The following TLN2 variants were observed in gnomAD, a reference collection of about 807,000 sequenced individuals.
TLN2 encodes the protein talin 2.
TLN2 carries 118 observed loss-of-function variants against 294.7 expected under a neutral mutation model. The ratio of observed to expected loss-of-function variants is 0.40; its 90% confidence interval spans 0.34 to 0.47. TLN2 has a LOEUF of 0.47. Among genes scored for constraint, TLN2 ranks in the 20% least tolerant of loss-of-function variants. TLN2 has a pLI of 0.84. For synonymous variants in TLN2, 1,431 were observed against 1,304.5 expected (o/e 1.10, Z -2.09); for missense variants, 3,083 against 3,282.2 (o/e 0.94, Z 1.48).
intron 11 of TLN2, among the ~76,000 whole-genome samples, chr15:62,684,884 C>T (rs1372204347): frequency 6.7e-6 from 1 of 148,758 alleles, no homozygotes; most frequent in East Asian, 2.0e-4. Flanking sequence ...CTAGTATGTT[C>T]CAGCTCTGTT....
chr15:62,702,624 T>C, intron 18 of TLN2, 142 bp from the exon 19 acceptor site: 1 of 753,936 alleles, frequency 1.3e-6, no homozygotes, highest in East Asian at 2.7e-5. Flanking sequence ...CGGGATGTCT[T>C]CTATCTGGCA....
chr15:62,723,486 G>A (rs923465028), intron 26 of TLN2, among the ~76,000 whole-genome samples: 19 of 151,174 alleles, frequency 1.3e-4, no homozygotes, highest in African/African-American at 4.6e-4. Flanking sequence ...GACCCCTAAA[G>A]TGGGACTCAA....
Position 62,757,965 on chromosome 15 carries a change from T to TG in TLN2, c.4638+2273dup, listed in dbSNP as rs2062411806. Among the ~76,000 whole-genome samples, 5 of 152,236 alleles carry TG rather than the reference T, an allele frequency of 3.3e-5. No individual in the cohort carries two copies. The South Asian group carries it at 1.0e-3, about 32-fold the overall frequency. On this transcript the variant is annotated intron_variant, in intron 37 of 58. Coordinates refer to ENST00000636159, the MANE Select transcript of TLN2 (RefSeq NM_015059.3). ...GGTACTATATACTGAATAGATTTCCTGTTTGAAGGAATGGTTATGTGTTCT... is the reference window on the plus strand; with the variant it reads ...GGTACTATATACTGAATAGATTTCCTGGTTTGAAGGAATGGTTATGTGTTCT...
At chr15:62,655,770 TG>T (rs914225421) in intron 7 of TLN2, among the ~76,000 whole-genome samples, 173 bp from the exon 8 acceptor site, 13 of 152,174 alleles carry the variant, frequency 8.5e-5, no homozygotes, top group Non-Finnish European at 1.8e-4. Flanking sequence ...TTGGTAGATG[TG>T]AAATTATTTT....
intron 2 of TLN2, among the ~76,000 whole-genome samples, chr15:62,611,702 G>A (rs945492077): frequency 2.0e-5 from 3 of 152,102 alleles, no homozygotes; most frequent in East Asian, 1.9e-4. Context: ...TCAAGCCTTC[G>A]GAGAGATTTT....
chr15:62,756,900 T>C (rs1240106393), intron 37 of TLN2, among the ~76,000 whole-genome samples: 1 of 151,794 alleles, frequency 6.6e-6, no homozygotes, highest in Non-Finnish European at 1.5e-5. Context: ...AGAGTCTTTT[T>C]TTTTAGAAAT....
At chr15:62,450,878 C>CTA (rs1358921630) in intron 1 of TLN2, among the ~76,000 whole-genome samples, 6 of 151,598 alleles carry the variant, frequency 4.0e-5, no homozygotes, top group African/African-American at 1.2e-4. Context: ...GTCCATATAT[C>CTA]TATATATATA....
rs11368681 is a variant in TLN2 at position 62,730,029 on chromosome 15, C to CTTTTTTTT, written c.3358+2851_3358+2858dup. On this transcript the variant is annotated intron_variant, in intron 28 of 58. Coordinates refer to ENST00000636159, the MANE Select transcript of TLN2 (RefSeq NM_015059.3). ...TTTCTTTCAATTATTTTATTGTTGT[C>CTTTTTTTT]TTTTTTTTTTTTTTTTTTGAAATGG... is the stretch of plus-strand genomic sequence containing the variant. Among the ~76,000 whole-genome samples the CTTTTTTTT allele has an allele frequency of 2.5e-5, 3 of 121,174 alleles. 1 individual carries two copies. The highest frequency in any genetic ancestry group is 9.6e-5 in the African/African-American group (3 of 31,308). 79.5% of individuals were successfully genotyped at this position (121,174 alleles called of 152,430 possible).
At chr15:62,606,524 GGAT>G (rs2047462744) in intron 2 of TLN2, among the ~76,000 whole-genome samples, 1 of 152,164 alleles carries the variant, frequency 6.6e-6, no homozygotes, top group Non-Finnish European at 1.5e-5. Flanking sequence ...CCCCCATGGA[GGAT>G]GATGAGTCAG....
chr15:62,824,883 G>T (rs1250253415), intron 54 of TLN2, among the ~76,000 whole-genome samples: 1 of 152,186 alleles, frequency 6.6e-6, no homozygotes, highest in Non-Finnish European at 1.5e-5. Context: ...CTGCTTTCTG[G>T]AAAGAGAACT....
chr15:62,713,281 A>AG (rs982927898), intron 22 of TLN2, among the ~76,000 whole-genome samples: 3 of 150,872 alleles, frequency 2.0e-5, no homozygotes, highest in African/African-American at 7.3e-5. Context: ...CAAAAAAAAA[A>AG]AAAAAAAACA....
intron 1 of TLN2, among the ~76,000 whole-genome samples, chr15:62,518,007 C>T (rs1356306501): frequency 6.6e-6 from 1 of 151,666 alleles, no homozygotes; most frequent in African/African-American, 2.4e-5. Context: ...TCAGACTGAG[C>T]ACATAGTAAA....
intron 27 of TLN2, 82 bp from the exon 28 acceptor site, chr15:62,727,005 C>A: frequency 1.4e-6 from 2 of 1,413,144 alleles, no homozygotes; most frequent in Non-Finnish European, 1.9e-6. Flanking sequence ...GTTTGATCTG[C>A]ATGATTTTTC....
rs141169513 is a variant in TLN2 at position 62,815,745 on chromosome 15, G to T, written c.6772-3771G>T. On this transcript the variant is annotated intron_variant, in intron 52 of 58. Coordinates refer to ENST00000636159, the MANE Select transcript of TLN2 (RefSeq NM_015059.3). ...GGAAAATGCTTAAATAAATACAGAAGCTAATAGCAGCATCCATGTACCCAT... is the reference window on the plus strand; with the variant it reads ...GGAAAATGCTTAAATAAATACAGAATCTAATAGCAGCATCCATGTACCCAT... 7.7e-4 allele frequency among the ~76,000 whole-genome samples: 118 copies of T among 152,288 alleles called. 1 individual carries two copies. Among genetic ancestry groups the T allele is most frequent in the African/African-American group, 2.8e-3 (116 of 41,562 alleles).
chr15:62,689,869 T>G (rs892610394), intron 12 of TLN2, among the ~76,000 whole-genome samples: 14 of 81,128 alleles, frequency 1.7e-4, no homozygotes, highest in African/African-American at 5.3e-4. Context: ...TTTTTTTTTT[T>G]TTTTTTTTAT....
At chr15:62,404,221 T>C (rs2033233632) in intron 1 of TLN2, among the ~76,000 whole-genome samples, 1 of 152,156 alleles carries the variant, frequency 6.6e-6, no homozygotes, top group Non-Finnish European at 1.5e-5. Context: ...TAAATACTTG[T>C]TGAGTGGTAG....
At chr15:62,567,307 C>G (rs575425277) in intron 1 of TLN2, among the ~76,000 whole-genome samples, 2 of 152,198 alleles carry the variant, frequency 1.3e-5, no homozygotes, top group Non-Finnish European at 2.9e-5. Context: ...AGTGTTAAAT[C>G]TGCAACATTG....
intron 52 of TLN2, among the ~76,000 whole-genome samples, chr15:62,818,024 G>C (rs531917364): frequency 6.6e-6 from 1 of 151,986 alleles, no homozygotes; most frequent in East Asian, 1.9e-4. Context: ...TGGCCGGGCT[G>C]GTCTCTAACT....
chr15:62,713,240 C>T (rs1595755206), intron 22 of TLN2, among the ~76,000 whole-genome samples: 1 of 128,240 alleles, frequency 7.8e-6, no homozygotes, highest in Non-Finnish European at 1.6e-5. Flanking sequence ...CACTGCACTC[C>T]ATCCTGGGTG....
Sources: allele counts gnomAD v4.1 joint callset (sites outside exome capture counted in the v4.1 genomes callset), GRCh38; gene constraint gnomAD v4.1.1; transcripts MANE v1.5; gene names NCBI Gene and HGNC (gene_info 2026-07-23, HGNC 2026-07-21).